Variants in CUL2 observed in about 807,000 individuals in gnomAD.
CUL2 encodes the protein cullin-2.
A neutral mutation model predicts 110.2 loss-of-function variants in CUL2; 22 were observed. The observed-to-expected ratio is 0.20, with a 90% CI of 0.14 to 0.28. The LOEUF is 0.28. Among genes scored for constraint, CUL2 ranks in the 10% least tolerant of loss-of-function variants. CUL2 has a pLI of 1.00. For missense variants in CUL2, 631 were observed against 905.5 expected, an observed-to-expected ratio of 0.70 and a Z score of 3.89; for synonymous variants, 279 against 293.2, an observed-to-expected ratio of 0.95 and a Z score of 0.49.
Position 35,041,194 on chromosome 10 carries a change from A to G in CUL2, c.715-2112T>C, listed in dbSNP as rs1449434136. On this transcript the variant is annotated intron_variant, in intron 8 of 20. Coordinates refer to ENST00000374749, the MANE Select transcript of CUL2 (RefSeq NM_003591.4). The stretch of plus-strand genomic sequence containing the variant: ...TAAGTCTATTAGTCATTCAGAGCAT[A>G]CTATAGTGACTTTAATCTGCTTGCC... 3.9e-5 allele frequency among the ~76,000 whole-genome samples: 6 copies of G among 152,366 alleles called. No individual in the cohort carries two copies. The East Asian group carries it at 1.2e-3, about 29-fold the overall frequency.
chr10:35,022,895 A>C (rs148863420), intron 17 of CUL2, among the ~76,000 whole-genome samples: 46 of 152,218 alleles, frequency 3.0e-4, no homozygotes, highest in Admixed American at 7.8e-4. Context: ...AAATACAAAA[A>C]TTAGCTGGGA....
intron 20 of CUL2, among the ~76,000 whole-genome samples, chr10:35,011,211 A>ATTTTTTT (rs5784437): frequency 7.5e-6 from 1 of 133,718 alleles, no homozygotes; most frequent in Non-Finnish European, 1.6e-5. Flanking sequence ...TAATTTTTTA[A>ATTTTTTT]TTTTTTTTTT....
chr10:35,041,277 G>T (rs971384140), intron 8 of CUL2, among the ~76,000 whole-genome samples: 1 of 152,062 alleles, frequency 6.6e-6, no homozygotes, highest in African/African-American at 2.4e-5. Flanking sequence ...GATGGAAGAA[G>T]GAAAAAATAA....
At position 35,098,788 on chromosome 10, in the gene CUL2, G is replaced by A. The variant is rs151224483; in HGVS notation, c.167+2056C>T. Among the ~76,000 whole-genome samples, 72 of 151,838 alleles carry A rather than the reference G, an allele frequency of 4.7e-4. No individual in the cohort carries two copies. In the East Asian group the frequency reaches 9.8e-3, roughly 21 times the overall value. On this transcript the variant is annotated intron_variant, in intron 2 of 5. Transcript: ENST00000685421. ...TCTACTAAAAAAAACCAAAAAATTA[G>A]CTGGGCACGGTGGCAGGCGCCTGTA...
rs774131299 is a variant in CUL2 at position 35,071,233 on chromosome 10, A to T, written c.85T>A (p.Tyr29Asn). 1.1e-5 allele frequency: 18 copies of T among 1,614,060 alleles called. No individual in the cohort carries two copies. Among genetic ancestry groups the T allele is most frequent in the Non-Finnish European group, 1.5e-5 (18 of 1,180,024 alleles). The change falls in exon 2 of 21, where the codon TAC becomes AAC. Residue 29 changes from tyrosine to asparagine, a missense_variant. Around this residue, in one of 3 missense-constraint regions of CUL2, gnomAD observed 338 missense variants for 442.5 expected, o/e 0.76. Coordinates refer to ENST00000374749, the MANE Select transcript of CUL2 (RefSeq NM_003591.4). ...TCATTCCATGTTGCTCTTTCGACGT[A>T]TTCCAACATGACCACGGCTTTTATT... The part of the protein sequence containing the change: ...TTIKAVVMLE[Y>N]VERATWNDRF...
Position 35,044,572 on chromosome 10 carries a change from C to T in CUL2, c.708G>A (p.Met236Ile). 1.3e-6 allele frequency: 2 copies of T among 1,581,688 alleles called. No homozygotes were observed. Among genetic ancestry groups the T allele is most frequent in the Admixed American group, 1.7e-5 (1 of 58,322 alleles). ...LLQESNCSQYMEKVLGRLKDE... is the reference protein window; with the variant it reads ...LLQESNCSQYIEKVLGRLKDE... ...GATATGTTTTATTTCTTACCTTTTCCATATACTGTGAGCAGTTTGATTCTT... is the reference window on the plus strand; with the variant it reads ...GATATGTTTTATTTCTTACCTTTTCTATATACTGTGAGCAGTTTGATTCTT... Residue 236 changes from methionine to isoleucine, a missense_variant, in exon 8 of 21, where the codon ATG (methionine) becomes ATA (isoleucine). Coordinates refer to ENST00000374749, the MANE Select transcript of CUL2 (RefSeq NM_003591.4).
chr10:35,031,703 G>T lies in CUL2; in HGVS notation c.1171-84C>A. On this transcript the variant is annotated intron_variant, in intron 12 of 20. Coordinates refer to ENST00000374749, the MANE Select transcript of CUL2 (RefSeq NM_003591.4). This position sits in a 1 kb window ranked among gnomAD's most constrained non-coding sequence, Gnocchi z 4.4. ...AAAGGAGGCAAAGTGGTGATACAAG[G>T]TAAGATCAGCGGACAGAATTTTTGC... 1.4e-6 allele frequency: 2 copies of T among 1,464,000 alleles called. No individual in the cohort carries two copies. Among genetic ancestry groups the T allele is most frequent in the Non-Finnish European group, 1.9e-6 (2 of 1,064,198 alleles). The allele number at this position is 1,464,000 out of a possible 1,614,324, so 90.7% of individuals were successfully genotyped here. A position where few individuals can be genotyped will look rare whatever the true frequency, so the allele number is the denominator to read the frequency against.
intron 5 of CUL2, 111 bp from the exon 6 acceptor site, chr10:35,049,876 T>C (rs1156582739): frequency 1.6e-6 from 1 of 625,532 alleles, no homozygotes; most frequent in Non-Finnish European, 2.7e-6. Context: ...TTTATACTAA[T>C]ACTTCAAAAT....
chr10:35,013,202 A>G (rs976153164), intron 19 of CUL2, among the ~76,000 whole-genome samples: 1 of 151,990 alleles, frequency 6.6e-6, no homozygotes, highest in Non-Finnish European at 1.5e-5. Flanking sequence ...AAAATTAGCC[A>G]GGCATAGTGG....
At chr10:35,070,431 G>C (rs2086648577) in intron 2 of CUL2, among the ~76,000 whole-genome samples, 1 of 152,126 alleles carries the variant, frequency 6.6e-6, no homozygotes, top group African/African-American at 2.4e-5. Context: ...TATGAAATCA[G>C]AGCTTTTCTA....
Position 35,044,933 on chromosome 10 carries a change from A to G in CUL2, c.507-65T>C, listed in dbSNP as rs2085896345. On this transcript the variant is annotated intron_variant, in intron 6 of 20. Transcript: ENST00000374749. ...AATTATCTATGGAAATATACCCAAA[A>G]TATGCCAAAATATGGCTCCTTATTC... The G allele has an allele frequency of 6.5e-6, 7 of 1,069,278 alleles. No individual in the cohort carries two copies. The South Asian group carries it at 8.1e-5, about 12-fold the overall frequency. 66.2% of individuals were successfully genotyped at this position (1,069,278 alleles called of 1,614,324 possible).
intron 1 of CUL2, among the ~76,000 whole-genome samples, chr10:35,078,840 C>A (rs1589043604): frequency 1.3e-5 from 2 of 152,284 alleles, no homozygotes; most frequent in South Asian, 2.1e-4. Flanking sequence ...CAGTACTGAT[C>A]AGCAGCACCA....
chr10:35,053,049 C>T (rs2086153459), intron 5 of CUL2, among the ~76,000 whole-genome samples: 1 of 151,388 alleles, frequency 6.6e-6, no homozygotes, highest in African/African-American at 2.4e-5. Context: ...GGCTGTAGAA[C>T]TTTATGTGTG....
At chr10:35,054,031 C>T (rs6481935) in intron 5 of CUL2, among the ~76,000 whole-genome samples, 55,266 of 151,988 alleles carry the variant, frequency 0.36, 10,117 homozygotes, top group African/African-American at 0.4. Context: ...TTAATTGTTT[C>T]ACTCTGAATT....
Position 35,075,635 on chromosome 10 carries a change from A to AACACACAC in CUL2, c.-22-4304_-22-4297dup, listed in dbSNP as rs34714483. Among the ~76,000 whole-genome samples, 1,133 of 140,960 alleles carry AACACACAC rather than the reference A, an allele frequency of 8.0e-3. 13 individuals carry two copies. Among genetic ancestry groups the AACACACAC allele is most frequent in the African/African-American group, 0.011 (406 of 37,954 alleles). 92.5% of individuals were successfully genotyped at this position (140,960 alleles called of 152,430 possible). A position where few individuals can be genotyped will look rare whatever the true frequency, so the allele number is the denominator to read the frequency against. ...GGCTAGGGCCACTTATGGGCCCTAA[A>AACACACAC]ACACACACACACACACACACACACA... On this transcript the variant is annotated intron_variant, in intron 1 of 20. Coordinates refer to ENST00000374749, the MANE Select transcript of CUL2 (RefSeq NM_003591.4).
chr10:35,045,365 G>A (rs1207851381), intron 6 of CUL2, among the ~76,000 whole-genome samples: 1 of 152,074 alleles, frequency 6.6e-6, no homozygotes, highest in Non-Finnish European at 1.5e-5. Context: ...AAGGTGGGAG[G>A]ATCCCTGAGT....
At chr10:35,023,994 C>G (rs996054973) in intron 17 of CUL2, among the ~76,000 whole-genome samples, 4 of 151,980 alleles carry the variant, frequency 2.6e-5, no homozygotes, top group Non-Finnish European at 5.9e-5. Flanking sequence ...TCCACCACGC[C>G]TGGCTAATTT....
At chr10:35,079,154 A>G (rs535935038) in intron 1 of CUL2, among the ~76,000 whole-genome samples, 36 of 152,368 alleles carry the variant, frequency 2.4e-4, no homozygotes, top group African/African-American at 8.4e-4. Context: ...TAAGAGATTA[A>G]CAAAAACTAG....
intron 2 of CUL2, among the ~76,000 whole-genome samples, chr10:35,065,118 T>C (rs1160900797): frequency 6.6e-6 from 1 of 152,226 alleles, no homozygotes; most frequent in Non-Finnish European, 1.5e-5. Context: ...TATGTTCTTT[T>C]TCTCTAACCT....
Sources: allele counts gnomAD v4.1 joint callset (sites outside exome capture counted in the v4.1 genomes callset), GRCh38; gene constraint gnomAD v4.1.1; regional missense constraint gnomAD v4.1.1; non-coding constraint Gnocchi (gnomAD v3.1); transcripts MANE v1.5; gene names NCBI Gene and HGNC (gene_info 2026-07-23, HGNC 2026-07-21).